The following RORA variants were observed in gnomAD, a reference collection of about 807,000 sequenced individuals.
RORA encodes nuclear receptor ROR-alpha.
A neutral mutation model predicts 69.5 loss-of-function variants in RORA; 7 were observed. The observed-to-expected ratio is 0.10, with a 90% confidence interval of 0.06 to 0.19. The LOEUF is 0.19. RORA is among the 10% of genes least tolerant of loss of function. The pLI is 1.00. For missense variants in RORA, 457 were observed against 663.0 expected, an observed-to-expected ratio of 0.69 and a Z score of 3.41; for synonymous variants, 261 against 240.8, an observed-to-expected ratio of 1.08 and a Z score of -0.78.
chr15:60,798,126 A>G (rs1384432602), intron 1 of RORA, among the ~76,000 whole-genome samples: 1 of 149,006 alleles, frequency 6.7e-6, no homozygotes, highest in Non-Finnish European at 1.5e-5. Context: ...TAATTATTAT[A>G]CATGAGAAAA....
intron 2 of RORA, among the ~76,000 whole-genome samples, chr15:60,666,346 CTTTTTTTTTT>C (rs1161494532): frequency 2.3e-5 from 3 of 132,434 alleles, no homozygotes; most frequent in Admixed American, 1.5e-4. Context: ...TAATTTCTTT[CTTTTTTTTTT>C]TTTTTTTTTT....
At chr15:61,110,413 C>T (rs2078994599) in intron 1 of RORA, among the ~76,000 whole-genome samples, 1 of 151,458 alleles carries the variant, frequency 6.6e-6, no homozygotes, top group Non-Finnish European at 1.5e-5. Flanking sequence ...AAAAAGTACA[C>T]ACAGAATTAT....
intron 1 of RORA, among the ~76,000 whole-genome samples, chr15:60,690,670 A>T (rs954549218): frequency 2.0e-5 from 3 of 152,252 alleles, no homozygotes; most frequent in African/African-American, 7.2e-5. Flanking sequence ...TCTGGAATAG[A>T]CTAAAGAAAT....
Position 60,820,435 on chromosome 15 carries a change from G to A in RORA, c.167-141749C>T, listed in dbSNP as rs113824840. Reference sequence around the variant, plus strand: ...AGGGTGTTGGAGGTCTTGAAGAAACGGACAGACCCTTGATTAAACCTTCTA... The same window carrying A: ...AGGGTGTTGGAGGTCTTGAAGAAACAGACAGACCCTTGATTAAACCTTCTA... On this transcript the variant is annotated intron_variant, in intron 1 of 10. Coordinates refer to ENST00000335670, the MANE Select transcript of RORA (RefSeq NM_134261.3). Among the ~76,000 whole-genome samples, 1,050 of 152,162 alleles carry A rather than the reference G, an allele frequency of 6.9e-3. 5 individuals carry two copies. Among genetic ancestry groups the A allele is most frequent in the South Asian group, 0.021 (102 of 4,818 alleles).
Position 60,497,591 on chromosome 15 carries a change from G to A in RORA, c.1436C>T (p.Ala479Val), listed in dbSNP as rs2065199951. The A allele has an allele frequency of 2.5e-6, 4 of 1,612,476 alleles. No individual in the cohort carries two copies. The South Asian group carries it at 3.3e-5, about 13-fold the overall frequency. The change falls in exon 11 of 11, where the codon GCC (alanine) becomes GTC (valine). Residue 479 changes from alanine (A) to valine (V), a missense_variant. Coordinates refer to ENST00000335670, the MANE Select transcript of RORA (RefSeq NM_134261.3). ...CTTTTCTGTATGTCGTCCACATAAG[G>A]CTCTTAAGGTAGACACCTTGCATAT... Reference protein sequence around the residue: ...KLICKVSTLRALCGRHTEKLM... With the variant: ...KLICKVSTLRVLCGRHTEKLM...
At chr15:60,876,315 G>A (rs1433523378) in intron 1 of RORA, among the ~76,000 whole-genome samples, 18 of 120,188 alleles carry the variant, frequency 1.5e-4, no homozygotes, top group Middle Eastern at 4.7e-3. Flanking sequence ...AGGAAGTGGG[G>A]GGGGGGGGGG....
At chr15:60,574,254 T>C (rs776492793) in intron 2 of RORA, among the ~76,000 whole-genome samples, 15 of 152,216 alleles carry the variant, frequency 9.9e-5, no homozygotes, top group Non-Finnish European at 1.6e-4. Flanking sequence ...AAAAGGAGGA[T>C]GAAAGGCTAA....
Position 60,503,574 on chromosome 15 carries a change from C to T in RORA, c.1036G>A (p.Glu346Lys). 1 of 1,614,126 alleles carries T rather than the reference C, an allele frequency of 6.2e-7. No homozygotes were observed. The highest frequency in any genetic ancestry group is 2.2e-5 in the East Asian group (1 of 44,884). The change falls in exon 7 of 11, where the codon GAA becomes AAA. Residue 346 changes from glutamate to lysine, a missense_variant. By Grantham distance (56) the Glu-to-Lys change is moderately conservative (BLOSUM62 1). Transcript: ENST00000335670. ...EFAKRIDGFM[E>K]LCQNDQIVLL... is the part of the protein sequence containing the mutation. ...ACAATTTGATCATTTTGACACAGTT[C>T]CATAAATCCATCAATGCGTTTGGCA... is the stretch of plus-strand genomic sequence containing the variant.
At chr15:60,888,426 G>A (rs1017821979) in intron 1 of RORA, among the ~76,000 whole-genome samples, 2 of 152,272 alleles carry the variant, frequency 1.3e-5, no homozygotes, top group African/African-American at 2.4e-5. Context: ...AGAGTTACAC[G>A]GGGCGAAAAG....
At chr15:61,145,256 T>C (rs2079336133) in intron 1 of RORA, among the ~76,000 whole-genome samples, 1 of 152,216 alleles carries the variant, frequency 6.6e-6, no homozygotes, top group Non-Finnish European at 1.5e-5. Context: ...GAGCTACTGA[T>C]ATACTACTGT....
At chr15:61,117,607 G>C (rs912724392) in intron 1 of RORA, among the ~76,000 whole-genome samples, 8 of 152,064 alleles carry the variant, frequency 5.3e-5, no homozygotes, top group African/African-American at 1.9e-4. Flanking sequence ...GAATTGTTTT[G>C]ACTGCTAAAT....
intron 2 of RORA, among the ~76,000 whole-genome samples, chr15:60,668,407 C>G (rs550563857): frequency 6.6e-6 from 1 of 152,316 alleles, no homozygotes; most frequent in Non-Finnish European, 1.5e-5. Flanking sequence ...AGGAAAAGAG[C>G]TGCTATTTGA....
chr15:60,797,612 A>C (rs188228763), intron 1 of RORA, among the ~76,000 whole-genome samples: 1 of 152,252 alleles, frequency 6.6e-6, no homozygotes, highest in East Asian at 1.9e-4. Context: ...AGACTGAATG[A>C]GTTATGTAAG....
chr15:60,693,452 C>A (rs1464961043), intron 1 of RORA, among the ~76,000 whole-genome samples: 1 of 152,136 alleles, frequency 6.6e-6, no homozygotes, highest in East Asian at 1.9e-4. Context: ...CTGGCCAAGG[C>A]AGTCAGGCAA....
Position 61,151,734 on chromosome 15 carries a change from A to G in RORA, c.166+77319T>C, listed in dbSNP as rs1343971125. Among the ~76,000 whole-genome samples the G allele has an allele frequency of 2.0e-5, 3 of 152,184 alleles. No individual in the cohort carries two copies. In the East Asian group the frequency reaches 5.8e-4, roughly 29 times the overall value. On this transcript the variant is annotated intron_variant, in intron 1 of 10. Transcript: ENST00000335670. ...GAAAAGTTTCAAAGATCTGACCTCT[A>G]ATATACTTTTTGAATACGAAGCTTA... is the stretch of plus-strand genomic sequence containing the variant.
rs1414168581 is a variant in RORA at position 60,488,505 on chromosome 15, A to T, written c.*8950T>A. 1 of 150,490 alleles carries T rather than the reference A, an allele frequency of 6.6e-6. No individual in the cohort carries two copies. Among genetic ancestry groups the T allele is most frequent in the Non-Finnish European group, 1.5e-5 (1 of 67,472 alleles). The allele number at this position is 150,490 out of a possible 1,614,324, so 9.3% of individuals were successfully genotyped here. On this transcript the variant is annotated 3_prime_UTR_variant, in exon 11 of 11. Coordinates refer to ENST00000335670, the MANE Select transcript of RORA (RefSeq NM_134261.3). ...TTGTATTTACAAAATGAATCAAAAT[A>T]TTTTTTTTTTAAATTCAGGACTCAA...
intron 1 of RORA, among the ~76,000 whole-genome samples, chr15:60,918,583 A>G (rs1891947616): frequency 6.6e-6 from 1 of 152,248 alleles, no homozygotes; most frequent in Non-Finnish European, 1.5e-5. Flanking sequence ...TAATGACATG[A>G]TTAGTTGTGG....
intron 1 of RORA, among the ~76,000 whole-genome samples, chr15:60,694,926 T>C (rs1380441973): frequency 6.6e-6 from 1 of 152,218 alleles, no homozygotes; most frequent in Non-Finnish European, 1.5e-5. Flanking sequence ...GGACAACGTA[T>C]GAACAATTTG....
At chr15:61,085,135 G>C (rs1250801427) in intron 1 of RORA, among the ~76,000 whole-genome samples, 4 of 152,122 alleles carry the variant, frequency 2.6e-5, no homozygotes, top group African/African-American at 9.7e-5. Flanking sequence ...CTTTTAAACA[G>C]AGAGAGAGGT....
Sources: allele counts gnomAD v4.1 joint callset (sites outside exome capture counted in the v4.1 genomes callset), GRCh38; gene constraint gnomAD v4.1.1; transcripts MANE v1.5; gene names NCBI Gene and HGNC (gene_info 2026-07-23, HGNC 2026-07-21).